Variants in ANKRD62 observed in about 807,000 individuals in gnomAD.
The protein encoded by ANKRD62 is ankyrin repeat domain 62.
ANKRD62 carries 61 observed loss-of-function variants against 98.8 expected under a neutral mutation model. That is an observed-to-expected ratio of 0.62 (90% confidence interval 0.50 to 0.76). ANKRD62 has a LOEUF of 0.76. ANKRD62 is among the 30% of genes least tolerant of loss of function. ANKRD62 has a pLI of 0.00. For missense variants in ANKRD62, 933 were observed against 1,082.9 expected, an observed-to-expected ratio of 0.86 and a Z score of 1.94; for synonymous variants, 341 against 367.9, an observed-to-expected ratio of 0.93 and a Z score of 0.84.
intron 8 of ANKRD62, among the ~76,000 whole-genome samples, chr18:12,107,846 C>T (rs1171017671): frequency 6.6e-6 from 1 of 152,008 alleles, no homozygotes; most frequent in African/African-American, 2.4e-5. Flanking sequence ...TACACATACA[C>T]ACAAGCAGTT....
At position 12,125,885 on chromosome 18, in the gene ANKRD62, G is replaced by A; in HGVS notation, c.2064G>A (p.Trp688Ter). ...CTTTCCAGAGCACAGTGAATGAATG[G>A]TGTCATTTACAAGAAGACACTAATT... ...QLAFQSTVNE[W>*]CHLQEDTNSH... The change falls in exon 13 of 14, where the codon TGG becomes TGA. Residue 688 changes from tryptophan (W) to a stop codon, truncating the protein, a stop_gained. Coordinates refer to ENST00000587848, the MANE Select transcript of ANKRD62 (RefSeq NM_001277333.2). LOFTEE classifies it high-confidence loss of function. The A allele has an allele frequency of 1.9e-6, 3 of 1,543,626 alleles. No individual in the cohort carries two copies. Among genetic ancestry groups the A allele is most frequent in the Non-Finnish European group, 1.7e-6 (2 of 1,147,086 alleles).
chr18:12,170,087 G>C, the ANKRD62 span, among the ~76,000 whole-genome samples: 42 of 152,270 alleles, frequency 2.8e-4, no homozygotes, highest in Non-Finnish European at 5.6e-4. Context: ...CTAGCTCCTG[G>C]ATTCATTGAT....
In ANKRD62 at chr18:12,115,373, C is replaced by T. The variant is rs1418995138; in HGVS notation, c.1099-20C>T. The stretch of plus-strand genomic sequence containing the variant: ...TAAATATTTCGAGGGCATTTTGAAA[C>T]AGTGTTATTTATTTTATAGGTTAAA... On this transcript the variant is annotated intron_variant, in intron 9 of 13. Coordinates refer to ENST00000587848, the MANE Select transcript of ANKRD62 (RefSeq NM_001277333.2). 2.0e-6 allele frequency: 3 copies of T among 1,513,068 alleles called. No individual in the cohort carries two copies. The highest frequency in any genetic ancestry group is 2.5e-5 in the East Asian group (1 of 40,526). The allele number at this position is 1,513,068 out of a possible 1,614,324, so 93.7% of individuals were successfully genotyped here. A position where few individuals can be genotyped will look rare whatever the true frequency, so the allele number is the denominator to read the frequency against.
In ANKRD62 at chr18:12,115,466, A is replaced by G. The variant is rs1909642142; in HGVS notation, c.1172A>G (p.Asp391Gly). The change falls in exon 10 of 14, where the codon GAT becomes GGT. Residue 391 changes from aspartate to glycine, a missense_variant. Transcript: ENST00000587848. Reference protein sequence around the residue: ...SGSSEKTSEDDELPYSDDENF... With the variant: ...SGSSEKTSEDGELPYSDDENF... ...TCATCTGAAAAAACCTCAGAGGATG[A>G]TGAGTTGCCTTACTCTGATGATGAG... 1 of 1,537,300 alleles carries G rather than the reference A, an allele frequency of 6.5e-7. No individual in the cohort carries two copies. The highest frequency in any genetic ancestry group is 8.7e-7 in the Non-Finnish European group (1 of 1,146,530).
chr18:12,171,538 TCAACC>T, the ANKRD62 span, among the ~76,000 whole-genome samples: 1 of 152,318 alleles, frequency 6.6e-6, no homozygotes, highest in South Asian at 2.1e-4. Context: ...CCTTTGTGGG[TCAACC>T]CAACCTTTCT....
In ANKRD62 at chr18:12,094,189, A is replaced by G; in HGVS notation, c.172A>G (p.Ile58Val). ...TGATGTGAACAAGGTGATGGAGAGC[A>G]TCTTGCTCAGGCTGAATGACTTGAA... is the stretch of plus-strand genomic sequence containing the variant. ...AGDVNKVMES[I>V]LLRLNDLNDR... is the part of the protein sequence containing the mutation. The change falls in exon 1 of 14, where the codon ATC (isoleucine) becomes GTC (valine). Residue 58 changes from isoleucine (I) to valine (V), a missense_variant. By Grantham distance (29) the Ile-to-Val change is conservative (BLOSUM62 3). This residue lies in a region of ANKRD62 where 549 missense variants were observed against 587.9 expected (regional missense o/e 0.93). Transcript: ENST00000587848. 1 of 1,531,872 alleles carries G rather than the reference A, an allele frequency of 6.5e-7. No individual in the cohort carries two copies. The highest frequency in any genetic ancestry group is 8.7e-7 in the Non-Finnish European group (1 of 1,146,228). The allele number at this position is 1,531,872 out of a possible 1,614,324, so 94.9% of individuals were successfully genotyped here.
At chr18:12,098,076 G>C (rs1909220208) in intron 5 of ANKRD62, among the ~76,000 whole-genome samples, 1 of 152,202 alleles carries the variant, frequency 6.6e-6, no homozygotes, top group Non-Finnish European at 1.5e-5. Context: ...TGTTAGAGAT[G>C]TTCAGATAGT....
chr18:12,123,805 A>T (rs1408965500), intron 11 of ANKRD62, among the ~76,000 whole-genome samples: 1 of 152,232 alleles, frequency 6.6e-6, no homozygotes, highest in African/African-American at 2.4e-5. Flanking sequence ...AAAATTAGCT[A>T]ACTCTAAATG....
At position 12,107,333 on chromosome 18, in the gene ANKRD62, G is replaced by T; in HGVS notation, c.930G>T (p.Met310Ile). ...EKMKKCRNKK[M>I]EVSRNVHADD... ...TGAAGAAATGCAGAAATAAGAAAAT[G>T]GAAGTGTCAAGAAACGTACATGCTG... The change falls in exon 8 of 14, where the codon ATG becomes ATT. Residue 310 changes from methionine (M) to isoleucine (I), a missense_variant. By Grantham distance (10) the Met-to-Ile change is conservative (BLOSUM62 1). Around this residue, in one of 3 missense-constraint regions of ANKRD62, gnomAD observed 549 missense variants for 587.9 expected, o/e 0.93. Transcript: ENST00000587848. The T allele has an allele frequency of 6.7e-7, 1 of 1,493,620 alleles. No individual in the cohort carries two copies. The highest frequency in any genetic ancestry group is 8.9e-7 in the Non-Finnish European group (1 of 1,128,026). The allele number at this position is 1,493,620 out of a possible 1,614,324, so 92.5% of individuals were successfully genotyped here. A position where few individuals can be genotyped will look rare whatever the true frequency, so the allele number is the denominator to read the frequency against.
chr18:12,105,672 A>T (rs1166220603), intron 7 of ANKRD62, among the ~76,000 whole-genome samples: 1 of 151,738 alleles, frequency 6.6e-6, no homozygotes, highest in African/African-American at 2.4e-5. Context: ...GCTCTTACAT[A>T]AAATCGGGTT....
the ANKRD62 span, among the ~76,000 whole-genome samples, chr18:12,181,322 G>C: frequency 1.3e-5 from 2 of 152,164 alleles, no homozygotes; most frequent in Non-Finnish European, 2.9e-5. Context: ...GAGGTTAATA[G>C]AGGAAAAATA....
In ANKRD62 at chr18:12,129,011, G is replaced by A. The variant is rs2143937436; in HGVS notation, c.*1072G>A. ...AACCTGGCGGGGTGGAAGTTGCGGT[G>A]AGCCAAGATGGTGCCACTGCACTCC... On this transcript the variant is annotated 3_prime_UTR_variant, in exon 14 of 14. Transcript: ENST00000587848. The A allele has an allele frequency of 6.6e-6, 1 of 152,094 alleles. No individual in the cohort carries two copies. Among genetic ancestry groups the A allele is most frequent in the South Asian group, 2.1e-4 (1 of 4,822 alleles). The allele number at this position is 152,094 out of a possible 1,614,324, so 9.4% of individuals were successfully genotyped here. A position where few individuals can be genotyped will look rare whatever the true frequency, so the allele number is the denominator to read the frequency against.
At position 12,122,658 on chromosome 18, in the gene ANKRD62, T is replaced by C. The variant is rs1909805560; in HGVS notation, c.1454+142T>C. On this transcript the variant is annotated intron_variant, in intron 11 of 13. Transcript: ENST00000587848. ...AATTGTGGAATGTGAAATTTTTGGA[T>C]AAAAAATCACAAGTTAATTGTGAAT... The C allele has an allele frequency of 5.9e-6, 4 of 683,306 alleles. No homozygotes were observed. In the South Asian group the frequency reaches 8.4e-5, roughly 14 times the overall value. The allele number at this position is 683,306 out of a possible 1,614,324, so 42.3% of individuals were successfully genotyped here.
In ANKRD62 at chr18:12,118,608, TAAAAAAA is replaced by T. The variant is rs34897974; in HGVS notation, c.1240+3088_1240+3094del. Among the ~76,000 whole-genome samples the T allele has an allele frequency of 9.2e-5, 13 of 141,114 alleles. No homozygotes were observed. The South Asian group carries it at 1.1e-3, about 12-fold the overall frequency. 92.6% of individuals were successfully genotyped at this position (141,114 alleles called of 152,430 possible). On this transcript the variant is annotated intron_variant, in intron 10 of 13. Transcript: ENST00000587848. ...TCGGAGACAGAGTAAGGCTCTGTCT[TAAAAAAA>T]AAAAAAAAAAAAAGAAAGAAAGTAG... is the stretch of plus-strand genomic sequence containing the variant.
the ANKRD62 span, among the ~76,000 whole-genome samples, chr18:12,138,025 T>A: frequency 6.6e-5 from 10 of 152,222 alleles, 1 homozygote; most frequent in South Asian, 1.0e-3. Flanking sequence ...TTTTGAAGGG[T>A]TTTTTGTGTC....
At chr18:12,179,610 A>G in the ANKRD62 span, among the ~76,000 whole-genome samples, 1 of 151,634 alleles carries the variant, frequency 6.6e-6, no homozygotes. Context: ...CGCCTAAAAC[A>G]GTGACCTGAC....
At chr18:12,125,063 G>A (rs969847939) in intron 12 of ANKRD62, among the ~76,000 whole-genome samples, 31 of 152,156 alleles carry the variant, frequency 2.0e-4, no homozygotes, top group African/African-American at 7.5e-4. Flanking sequence ...TATCTGCAGA[G>A]CTAAGACTCT....
intron 8 of ANKRD62, among the ~76,000 whole-genome samples, chr18:12,112,531 A>T (rs922436910): frequency 3.9e-5 from 6 of 152,154 alleles, no homozygotes; most frequent in Admixed American, 2.6e-4. Context: ...TTGAAACTTC[A>T]CCCTTTCCTT....
chr18:12,152,994 G>A, the ANKRD62 span, among the ~76,000 whole-genome samples: 1 of 152,118 alleles, frequency 6.6e-6, no homozygotes, highest in Non-Finnish European at 1.5e-5. Flanking sequence ...AAAATAACTA[G>A]CACTCTTATA....
Sources: allele counts gnomAD v4.1 joint callset (sites outside exome capture counted in the v4.1 genomes callset), GRCh38; gene constraint gnomAD v4.1.1; regional missense constraint gnomAD v4.1.1; transcripts MANE v1.5; gene names NCBI Gene and HGNC (gene_info 2026-07-23, HGNC 2026-07-21).